CCNY: variants seen among roughly 807,000 people sequenced by gnomAD.
The protein encoded by CCNY is cyclin-Y.
In CCNY, 19 loss-of-function variants were observed where a neutral mutation model predicts 42.8. That is an observed-to-expected ratio of 0.44 (90% confidence interval 0.31 to 0.65). The LOEUF (loss-of-function observed/expected upper bound fraction) is 0.65. Ranked by LOEUF, CCNY falls within the 30% of genes least tolerant of loss-of-function variation. The pLI, the probability that CCNY is intolerant of heterozygous loss-of-function variation, is 0.07. For missense variants in CCNY, 370 were observed against 437.3 expected (o/e 0.85, Z 1.37); for synonymous variants, 165 against 162.7 (o/e 1.01, Z -0.11).
chr10:35,337,304 C>T, intron 1 of CCNY, 97 bp downstream of exon 1: 2 of 1,276,478 alleles, frequency 1.6e-6, no homozygotes, highest in Non-Finnish European at 1.0e-6. Flanking sequence ...CCCAGCCGGT[C>T]TCGGCGACCC....
intron 3 of CCNY, among the ~76,000 whole-genome samples, chr10:35,324,505 G>A (rs991057554): frequency 2.0e-5 from 3 of 152,134 alleles, no homozygotes; most frequent in African/African-American, 7.2e-5. Context: ...AAATTACACC[G>A]ACAAATACGT....
intron 7 of CCNY, among the ~76,000 whole-genome samples, chr10:35,540,564 C>CTT (rs561129843): frequency 6.9e-6 from 1 of 144,802 alleles, no homozygotes; most frequent in African/African-American, 2.5e-5. Context: ...ATTCCTTCTA[C>CTT]TTTTTTTTTT....
intron 3 of CCNY, chr10:35,501,756 C>G (rs952776196): frequency 8.3e-6 from 4 of 483,620 alleles, no homozygotes; most frequent in Non-Finnish European, 1.1e-5. Flanking sequence ...CACTATTGTT[C>G]ATGAGATGAT....
chr10:35,347,902 C>G (rs751116444), intron 1 of CCNY, among the ~76,000 whole-genome samples: 1 of 152,148 alleles, frequency 6.6e-6, no homozygotes, highest in Admixed American at 6.5e-5. Context: ...TACAGCTCCT[C>G]GTCTGTGTAT....
chr10:35,285,436 A>G (rs1444902844), intron 3 of CCNY, among the ~76,000 whole-genome samples: 1 of 151,656 alleles, frequency 6.6e-6, no homozygotes, highest in Non-Finnish European at 1.5e-5. Context: ...ATTTATTTGT[A>G]TATGTTGAGA....
chr10:35,456,630 T>C (rs1839041003), intron 1 of CCNY, among the ~76,000 whole-genome samples: 1 of 152,200 alleles, frequency 6.6e-6, no homozygotes, highest in Non-Finnish European at 1.5e-5. Context: ...ATTTTATCAT[T>C]AGTTATGCAT....
At chr10:35,542,474 G>A (rs566425468) in intron 7 of CCNY, among the ~76,000 whole-genome samples, 238 of 151,962 alleles carry the variant, frequency 1.6e-3, no homozygotes, top group African/African-American at 5.0e-3. Flanking sequence ...TGTATCCTTC[G>A]AATGAGGTCA....
At chr10:35,444,624 A>C (rs1247945029) in intron 1 of CCNY, among the ~76,000 whole-genome samples, 1 of 152,200 alleles carries the variant, frequency 6.6e-6, no homozygotes, top group Non-Finnish European at 1.5e-5. Flanking sequence ...GTGTTGCACT[A>C]CATTATGATG....
At chr10:35,450,571 G>A (rs1838894301) in intron 1 of CCNY, among the ~76,000 whole-genome samples, 1 of 152,092 alleles carries the variant, frequency 6.6e-6, no homozygotes. Flanking sequence ...AAAGGTTGTG[G>A]TTCTGAGGCT....
At chr10:35,329,076 G>A (rs1401958865) in intron 3 of CCNY, among the ~76,000 whole-genome samples, 1 of 152,142 alleles carries the variant, frequency 6.6e-6, no homozygotes, top group Non-Finnish European at 1.5e-5. Flanking sequence ...AGTTCTCTAG[G>A]TTTGGAACAT....
At chr10:35,385,508 C>A (rs971866489) in intron 1 of CCNY, among the ~76,000 whole-genome samples, 1 of 152,182 alleles carries the variant, frequency 6.6e-6, no homozygotes, top group Non-Finnish European at 1.5e-5. Flanking sequence ...GGCATAATAT[C>A]ATTTGGTACC....
intron 3 of CCNY, among the ~76,000 whole-genome samples, chr10:35,512,829 C>T (rs1434168734): frequency 1.3e-5 from 2 of 151,868 alleles, no homozygotes; most frequent in African/African-American, 2.4e-5. Context: ...GGAGGTGTCG[C>T]GGGTGGGAGC....
At chr10:35,469,324 T>A (rs1171158959) in intron 1 of CCNY, among the ~76,000 whole-genome samples, 3 of 152,282 alleles carry the variant, frequency 2.0e-5, no homozygotes, top group Non-Finnish European at 4.4e-5. Context: ...TTATCTGGTC[T>A]GTGTATTGGC....
intron 3 of CCNY, among the ~76,000 whole-genome samples, chr10:35,304,055 C>G (rs1431194792): frequency 2.0e-5 from 3 of 152,088 alleles, no homozygotes; most frequent in African/African-American, 7.2e-5. Flanking sequence ...GCCACATGCT[C>G]CAGTTTCTCC....
At chr10:35,334,188 G>T (rs368639770), upstream of CCNY, among the ~76,000 whole-genome samples, 3 of 152,242 alleles carry the variant, frequency 2.0e-5, no homozygotes, top group Admixed American at 6.5e-5. Flanking sequence ...CAGGAAGCAT[G>T]CAGCCAGCCA....
intron 3 of CCNY, chr10:35,250,942 T>A (rs2095711544): frequency 6.6e-6 from 1 of 152,240 alleles, no homozygotes. Flanking sequence ...AAGGTGAATG[T>A]CATCTCAAGA....
rs962430896 is a variant in CCNY, at chr10:35,285,723, C to T, written c.-9+35097C>T. ...GCGGGATTAGGGGCGTGAGCCACCACGCCTGGCCAGTAATCTCTGACTTCA... is the reference window on the plus strand; with the variant it reads ...GCGGGATTAGGGGCGTGAGCCACCATGCCTGGCCAGTAATCTCTGACTTCA... On this transcript the variant is annotated intron_variant, in intron 3 of 11. Transcript: ENST00000374706. 2.0e-5 allele frequency among the ~76,000 whole-genome samples: 3 copies of T among 152,214 alleles called. No homozygotes were observed. In the East Asian group the frequency reaches 5.8e-4, roughly 29 times the overall value.
intron 3 of CCNY, among the ~76,000 whole-genome samples, chr10:35,325,327 C>A (rs765767408): frequency 1.3e-5 from 2 of 152,066 alleles, no homozygotes; most frequent in African/African-American, 4.8e-5. Context: ...TACAGGCGTG[C>A]GCCATCACAC....
intron 3 of CCNY, among the ~76,000 whole-genome samples, chr10:35,323,137 C>A (rs1396786067): frequency 3.9e-5 from 6 of 152,220 alleles, no homozygotes; most frequent in African/African-American, 1.4e-4. Flanking sequence ...TCATGTTGGC[C>A]AGGCTGGTCT....
Sources: allele counts gnomAD v4.1 joint callset (sites outside exome capture counted in the v4.1 genomes callset), GRCh38; gene constraint gnomAD v4.1.1; transcripts MANE v1.5; gene names NCBI Gene and HGNC (gene_info 2026-07-23, HGNC 2026-07-21).